Variants in ZNF512 observed in about 807,000 individuals in gnomAD.
ZNF512 encodes zinc finger protein 512.
ZNF512 carries 25 observed loss-of-function variants against 77.5 expected under a neutral mutation model. The observed-to-expected ratio is 0.32, with a 90% CI of 0.23 to 0.45. The LOEUF (loss-of-function observed/expected upper bound fraction) is 0.45, where lower values mean the gene tolerates loss of function less well. ZNF512 is among the 20% of genes least tolerant of loss of function. ZNF512 has a pLI of 1.00. For synonymous variants in ZNF512, 246 were observed against 239.9 expected (o/e 1.03, Z -0.24); for missense variants, 483 against 692.6 (o/e 0.70, Z 3.40).
chr2:27,598,102 T>C lies in ZNF512; in HGVS notation c.125T>C (p.Phe42Ser). 1 of 1,607,536 alleles carries C rather than the reference T, an allele frequency of 6.2e-7. No individual in the cohort carries two copies. Among genetic ancestry groups the C allele is most frequent in the Non-Finnish European group, 8.5e-7 (1 of 1,174,602 alleles). Residue 42 changes from phenylalanine to serine, a missense_variant, in exon 3 of 14, where the codon TTC becomes TCC. Phe to Ser is a radical substitution (Grantham distance 155). This residue lies in a region of ZNF512 where 159 missense variants were observed against 167.5 expected (regional missense o/e 0.95). Coordinates refer to ENST00000355467, the MANE Select transcript of ZNF512 (RefSeq NM_032434.4). ...RTQCSIKDNS[F>S]QYTIPHDDSL... ...CAGTGCTCCATAAAGGATAATAGTTTCCAGTACACTATCCCTCATGATGAC... is the reference window on the plus strand; with the variant it reads ...CAGTGCTCCATAAAGGATAATAGTTCCCAGTACACTATCCCTCATGATGAC...
intron 2 of ZNF512, 84 bp downstream of exon 2, chr2:27,583,800 G>C: frequency 1.4e-6 from 2 of 1,478,600 alleles, no homozygotes; most frequent in Non-Finnish European, 1.9e-6. Context: ...AAAATGTTCT[G>C]TATCTGCATT....
At chr2:27,603,356 TG>T in intron 9 of ZNF512, 49 bp downstream of exon 9, 1 of 1,598,064 alleles carries the variant, frequency 6.3e-7, no homozygotes. Context: ...TATTTCGTGG[TG>T]AGTCCTTACC....
At chr2:27,607,816 C>T (rs370838212) in intron 9 of ZNF512, 29 bp from the exon 10 acceptor site, 5 of 1,611,338 alleles carry the variant, frequency 3.1e-6, no homozygotes, top group Non-Finnish European at 4.2e-6. Context: ...CTTATCAGGC[C>T]TGTGTTTTGC....
Position 27,622,877 on chromosome 2 carries a change from A to C in ZNF512, c.*1416A>C, listed in dbSNP as rs1315170131. 6.5e-6 allele frequency: 1 copy of C among 152,820 alleles called. No homozygotes were observed. The highest frequency in any genetic ancestry group is 1.5e-5 in the Non-Finnish European group (1 of 68,046). The allele number at this position is 152,820 out of a possible 1,614,324, so 9.5% of individuals were successfully genotyped here. A position where few individuals can be genotyped will look rare whatever the true frequency, so the allele number is the denominator to read the frequency against. On this transcript the variant is annotated 3_prime_UTR_variant, in exon 14 of 14. Coordinates refer to ENST00000355467, the MANE Select transcript of ZNF512 (RefSeq NM_032434.4). ...GAAGACCACTTTCAAACAAGGGAGC[A>C]CTGAAACCTGAATTGGATACTGCCA... is the stretch of plus-strand genomic sequence containing the variant.
chr2:27,605,672 C>T (rs1005825878), intron 9 of ZNF512, among the ~76,000 whole-genome samples: 1 of 151,948 alleles, frequency 6.6e-6, no homozygotes, highest in Non-Finnish European at 1.5e-5. Context: ...GATGGGTGTT[C>T]GCCATGTTGG....
intron 2 of ZNF512, among the ~76,000 whole-genome samples, chr2:27,593,422 CAGCCTGGGCAACAT>C (rs1671694148): frequency 6.6e-6 from 1 of 150,524 alleles, no homozygotes; most frequent in Non-Finnish European, 1.5e-5. Flanking sequence ...TGCTTTGGAC[CAGCCTGGGCAACAT>C]AGCAAGACCC....
chr2:27,600,926 A>G (rs1672090463), intron 6 of ZNF512, 111 bp downstream of exon 6: 3 of 1,355,050 alleles, frequency 2.2e-6, no homozygotes, highest in Admixed American at 2.7e-5. Context: ...GCATTGTATA[A>G]TAAAGGAAAC....
At chr2:27,612,819 T>G (rs949991301) in intron 10 of ZNF512, among the ~76,000 whole-genome samples, 1 of 152,228 alleles carries the variant, frequency 6.6e-6, no homozygotes, top group Non-Finnish European at 1.5e-5. Flanking sequence ...AGGTTAGTTT[T>G]TTCTTCCCTG....
At chr2:27,618,793 CAG>C (rs1422554855) in intron 13 of ZNF512, among the ~76,000 whole-genome samples, 1 of 152,148 alleles carries the variant, frequency 6.6e-6, no homozygotes, top group African/African-American at 2.4e-5. Flanking sequence ...TACAGGTGAA[CAG>C]AGAAATCGTT....
chr2:27,604,433 T>A (rs1037253563), intron 9 of ZNF512, among the ~76,000 whole-genome samples: 5 of 152,128 alleles, frequency 3.3e-5, no homozygotes, highest in African/African-American at 1.2e-4. Context: ...TTTTAGTGCA[T>A]AATTATAAGA....
intron 10 of ZNF512, among the ~76,000 whole-genome samples, chr2:27,609,972 C>T (rs1000703363): frequency 4.6e-5 from 7 of 151,742 alleles, no homozygotes; most frequent in South Asian, 4.2e-4. Context: ...AACTGAGAGG[C>T]GGAGGTTGCA....
chr2:27,604,155 G>A (rs925057337), intron 9 of ZNF512, among the ~76,000 whole-genome samples: 7 of 151,972 alleles, frequency 4.6e-5, no homozygotes, highest in African/African-American at 9.7e-5. Context: ...TCGAACTCCC[G>A]ATCTCAGGTG....
intron 12 of ZNF512, chr2:27,617,167 G>A (rs1162625946): frequency 2.1e-5 from 5 of 234,492 alleles, no homozygotes; most frequent in African/African-American, 1.1e-4. Flanking sequence ...AGACAACCTG[G>A]AAGTGAAGTG....
chr2:27,598,249 T>A lies in ZNF512; in HGVS notation c.272T>A (p.Val91Asp). 1 of 1,611,972 alleles carries A rather than the reference T, an allele frequency of 6.2e-7. No homozygotes were observed. Among genetic ancestry groups the A allele is most frequent in the Non-Finnish European group, 8.5e-7 (1 of 1,179,084 alleles). The change falls in exon 3 of 14, where the codon GTC becomes GAC. Residue 91 changes from valine (V) to aspartate (D), a missense_variant. By Grantham distance (152) the Val-to-Asp change is radical. This residue lies in a region of ZNF512 where 159 missense variants were observed against 167.5 expected (regional missense o/e 0.95). Transcript: ENST00000355467. ...RRIKPAATSH[V>D]EGSGGVSAKG... ...ATCAAGCCAGCTGCTACTTCTCATGTCGAAGGTATCAATATCAGTGTCTTA... is the reference window on the plus strand; with the variant it reads ...ATCAAGCCAGCTGCTACTTCTCATGACGAAGGTATCAATATCAGTGTCTTA...
At position 27,621,528 on chromosome 2, in the gene ZNF512, G is replaced by A. The variant is rs757628311; in HGVS notation, c.*67G>A. On this transcript the variant is annotated 3_prime_UTR_variant, in exon 14 of 14. Transcript: ENST00000355467. Reference sequence around the variant, plus strand: ...CTGTTGTCACGGGGACCTGTGCTGGGAGGACTGAGTGAAGATTCTTTCAGC... The same window carrying A: ...CTGTTGTCACGGGGACCTGTGCTGGAAGGACTGAGTGAAGATTCTTTCAGC... The A allele has an allele frequency of 4.4e-5, 64 of 1,462,256 alleles. No homozygotes were observed. Among genetic ancestry groups the A allele is most frequent in the Non-Finnish European group, 5.8e-5 (64 of 1,101,246 alleles). 90.6% of individuals were successfully genotyped at this position (1,462,256 alleles called of 1,614,324 possible).
intron 3 of ZNF512, 60 bp from the exon 4 acceptor site, chr2:27,599,523 C>T (rs1038605026): frequency 8.1e-7 from 1 of 1,236,332 alleles, no homozygotes; most frequent in Non-Finnish European, 1.2e-6. Context: ...TGAAGACAGG[C>T]CTAGATGTTC....
chr2:27,599,886 A>G, intron 4 of ZNF512, 84 bp from the exon 5 acceptor site: 2 of 1,454,026 alleles, frequency 1.4e-6, no homozygotes, highest in East Asian at 2.3e-5. Context: ...ACTGGGAAAT[A>G]GGGTGTTGAA....
At chr2:27,613,757 A>G (rs1411833542) in intron 10 of ZNF512, among the ~76,000 whole-genome samples, 2 of 152,102 alleles carry the variant, frequency 1.3e-5, no homozygotes, top group African/African-American at 2.4e-5. Flanking sequence ...TTCAAGGGTC[A>G]ACTGTGTAAC....
Position 27,610,542 on chromosome 2 carries a change from G to GTGTGTGTA in ZNF512, c.1131+2506_1131+2507insGTGTATGT, listed in dbSNP as rs1356907011. Among the ~76,000 whole-genome samples, 16 of 42,012 alleles carry GTGTGTGTA rather than the reference G, an allele frequency of 3.8e-4. No homozygotes were observed. The East Asian group carries it at 8.5e-3, about 22-fold the overall frequency. The allele number at this position is 42,012 out of a possible 152,430, so 27.6% of individuals were successfully genotyped here. ...TATATGTGTGTGTATATATATGTGT[G>GTGTGTGTA]TGTATATATATATATATATATATAT... On this transcript the variant is annotated intron_variant, in intron 10 of 13. Transcript: ENST00000355467.
Sources: allele counts gnomAD v4.1 joint callset (sites outside exome capture counted in the v4.1 genomes callset), GRCh38; gene constraint gnomAD v4.1.1; regional missense constraint gnomAD v4.1.1; transcripts MANE v1.5; gene names NCBI Gene and HGNC (gene_info 2026-07-23, HGNC 2026-07-21).